XKR6: variants seen among roughly 807,000 people sequenced by gnomAD.
XKR6 encodes the protein XK-related protein 6.
In XKR6, 22 loss-of-function variants were observed where a neutral mutation model predicts 56.7. The ratio of observed to expected loss-of-function variants is 0.39; its 90% CI spans 0.28 to 0.55. XKR6 has a LOEUF of 0.55. Among genes scored for constraint, XKR6 ranks in the 20% least tolerant of loss-of-function variants. The pLI, the probability that XKR6 is intolerant of heterozygous loss-of-function variation, is 0.66. For missense variants in XKR6, 852 were observed against 889.0 expected, an observed-to-expected ratio of 0.96 and a Z score of 0.53; for synonymous variants, 524 against 387.8, an observed-to-expected ratio of 1.35 and a Z score of -4.13.
intron 1 of XKR6, among the ~76,000 whole-genome samples, chr8:11,143,906 G>A (rs1283515317): frequency 6.6e-6 from 1 of 152,096 alleles, no homozygotes; most frequent in Non-Finnish European, 1.5e-5. Context: ...GGTCTCAAAT[G>A]GGTTGTTTTC....
chr8:11,120,530 TA>T (rs1287946430), intron 1 of XKR6, among the ~76,000 whole-genome samples: 1 of 151,898 alleles, frequency 6.6e-6, no homozygotes, highest in Non-Finnish European at 1.5e-5. Context: ...CTCAACGAAA[TA>T]AAAGAGGATA....
intron 2 of XKR6, among the ~76,000 whole-genome samples, chr8:10,912,080 G>A (rs946831807): frequency 6.0e-5 from 9 of 149,866 alleles, no homozygotes; most frequent in African/African-American, 2.2e-4. Context: ...TACATAGAGA[G>A]GGTAAGTATA....
chr8:11,193,568 T>C (rs370631050), intron 1 of XKR6, among the ~76,000 whole-genome samples: 3 of 152,160 alleles, frequency 2.0e-5, no homozygotes, highest in African/African-American at 4.8e-5. Flanking sequence ...AGAGAACTTA[T>C]ACCTTAATCT....
At chr8:10,973,627 C>A (rs1007678105) in intron 1 of XKR6, among the ~76,000 whole-genome samples, 1 of 151,966 alleles carries the variant, frequency 6.6e-6, no homozygotes, top group African/African-American at 2.4e-5. Context: ...TTGCCCAGGC[C>A]GGAGTGCAGT....
chr8:10,903,444 AC>A (rs1404095942), intron 2 of XKR6, among the ~76,000 whole-genome samples: 2 of 152,162 alleles, frequency 1.3e-5, no homozygotes, highest in African/African-American at 2.4e-5. Flanking sequence ...GGCAGGATTC[AC>A]TGAGCATCTA....
At chr8:11,193,847 T>G (rs1268520419) in intron 1 of XKR6, among the ~76,000 whole-genome samples, 1 of 150,426 alleles carries the variant, frequency 6.6e-6, no homozygotes, top group African/African-American at 2.4e-5. Context: ...AATCTACCAC[T>G]AAAAATTTTA....
chr8:11,015,465 G>T (rs1010192661), intron 1 of XKR6, among the ~76,000 whole-genome samples: 1 of 152,132 alleles, frequency 6.6e-6, no homozygotes, highest in Non-Finnish European at 1.5e-5. Context: ...TCCCACATCT[G>T]CTAGAAACCA....
At chr8:11,065,585 T>C (rs1010818141) in intron 1 of XKR6, among the ~76,000 whole-genome samples, 2 of 152,242 alleles carry the variant, frequency 1.3e-5, no homozygotes, top group East Asian at 1.9e-4. Context: ...AATACGTTTT[T>C]TTTTTTATCC....
chr8:10,956,772 G>C (rs1801902719), intron 1 of XKR6, among the ~76,000 whole-genome samples: 1 of 152,216 alleles, frequency 6.6e-6, no homozygotes, highest in African/African-American at 2.4e-5. Context: ...GCTGTGGCCA[G>C]TGAGGACAGA....
In XKR6 at chr8:10,955,970, G is replaced by C. The variant is rs191715801; in HGVS notation, c.765-31140C>G. 2.0e-5 allele frequency among the ~76,000 whole-genome samples: 3 copies of C among 152,348 alleles called. No individual in the cohort carries two copies. The East Asian group carries it at 5.8e-4, about 29-fold the overall frequency. ...AGGGCCCTGAGTGGCTGCTCGGTGA[G>C]AGGGTGAGGGCAAGACAACAGAAAG... On this transcript the variant is annotated intron_variant, in intron 1 of 2. Coordinates refer to ENST00000416569, the MANE Select transcript of XKR6 (RefSeq NM_173683.4).
intron 1 of XKR6, among the ~76,000 whole-genome samples, chr8:11,132,786 C>CAT (rs61142313): frequency 0.14 from 20,768 of 151,012 alleles, 1,651 homozygotes; most frequent in South Asian, 0.2. Flanking sequence ...CACACACACA[C>CAT]GCACATTTTT....
At chr8:11,162,509 T>C (rs1251125503) in intron 1 of XKR6, among the ~76,000 whole-genome samples, 1 of 152,234 alleles carries the variant, frequency 6.6e-6, no homozygotes, top group African/African-American at 2.4e-5. Context: ...TATAATCAAG[T>C]ACCAGGTAGT....
chr8:11,199,540 G>A (rs1232829892), intron 1 of XKR6, among the ~76,000 whole-genome samples: 4 of 152,188 alleles, frequency 2.6e-5, no homozygotes, highest in African/African-American at 4.8e-5. Context: ...TTTATCTTCA[G>A]TAAGATTTTT....
chr8:11,196,042 C>T (rs1803868171), intron 1 of XKR6, among the ~76,000 whole-genome samples: 2 of 151,906 alleles, frequency 1.3e-5, no homozygotes, highest in African/African-American at 2.4e-5. Context: ...ACCCACACAC[C>T]CACACAGCCC....
chr8:10,983,602 C>T (rs919683121), intron 1 of XKR6, among the ~76,000 whole-genome samples: 3 of 151,996 alleles, frequency 2.0e-5, no homozygotes, highest in African/African-American at 7.2e-5. Context: ...CAGACAACAG[C>T]AACACTATTT....
intron 1 of XKR6, among the ~76,000 whole-genome samples, chr8:10,929,083 G>A (rs1214597581): frequency 6.6e-6 from 1 of 152,178 alleles, no homozygotes; most frequent in Non-Finnish European, 1.5e-5. Context: ...CCCATCACAG[G>A]AGGGGCAGGC....
chr8:11,200,542 G>T lies in XKR6; in HGVS notation c.764+34C>A. The T allele has an allele frequency of 1.4e-6, 2 of 1,433,960 alleles. No homozygotes were observed. Among genetic ancestry groups the T allele is most frequent in the East Asian group, 2.7e-5 (1 of 36,616 alleles). The allele number at this position is 1,433,960 out of a possible 1,614,324, so 88.8% of individuals were successfully genotyped here. A position where few individuals can be genotyped will look rare whatever the true frequency, so the allele number is the denominator to read the frequency against. On this transcript the variant is annotated intron_variant, in intron 1 of 2. Coordinates refer to ENST00000416569, the MANE Select transcript of XKR6 (RefSeq NM_173683.4). This position sits in a 1 kb window ranked among gnomAD's most constrained non-coding sequence, Gnocchi z 6.4. ...CGGGAGGGCGGAGGGGGGCTCCTCA[G>T]GGCCGGCCCGCCCCCACCCCGCAGT...
chr8:11,112,280 T>C (rs1193223473), intron 1 of XKR6, among the ~76,000 whole-genome samples: 2 of 152,222 alleles, frequency 1.3e-5, no homozygotes, highest in East Asian at 3.8e-4. Context: ...TCTCATACTT[T>C]TAGAAACTAT....
intron 1 of XKR6, among the ~76,000 whole-genome samples, chr8:11,025,968 G>A (rs73541254): frequency 6.6e-6 from 1 of 152,118 alleles, no homozygotes; most frequent in African/African-American, 2.4e-5. Context: ...ATCAGTACAA[G>A]AGATTAAAAC....
Sources: gnomAD v4.1 joint callset for allele counts (sites outside exome capture counted in the v4.1 genomes callset) on GRCh38, gnomAD v4.1.1 for gene constraint, Gnocchi (gnomAD v3.1) non-coding constraint, MANE v1.5 for transcripts, NCBI Gene and HGNC (gene_info 2026-07-23, HGNC 2026-07-21) for gene names.